MMP16: variants seen among roughly 807,000 people sequenced by gnomAD.
The protein encoded by MMP16 is matrix metallopeptidase 16.
Under a neutral mutation model 67.8 loss-of-function variants are expected in MMP16, and 12 were observed. That is an observed-to-expected ratio of 0.18 (90% CI 0.11 to 0.29). The LOEUF (loss-of-function observed/expected upper bound fraction) is 0.29, where lower values mean the gene tolerates loss of function less well. Ranked by LOEUF, MMP16 falls within the 10% of genes least tolerant of loss-of-function variation. The probability of loss-of-function intolerance (pLI) is 1.00; values close to 1 mark genes in which losing one functional copy is unlikely to be tolerated. For synonymous variants in MMP16, 249 were observed against 255.9 expected (o/e 0.97, Z 0.26); for missense variants, 475 against 765.7 (o/e 0.62, Z 4.48).
intron 4 of MMP16, among the ~76,000 whole-genome samples, chr8:88,137,565 T>A (rs763251932): frequency 6.6e-6 from 1 of 152,036 alleles, no homozygotes; most frequent in Non-Finnish European, 1.5e-5. Flanking sequence ...GTCTGAGTAA[T>A]AATCTTTGTA....
intron 1 of MMP16, among the ~76,000 whole-genome samples, chr8:88,312,844 T>A (rs1463548392): frequency 6.6e-6 from 1 of 152,128 alleles, no homozygotes; most frequent in Non-Finnish European, 1.5e-5. Context: ...GGTGCATGCC[T>A]GTAATCCCAG....
At chr8:88,268,310 C>T (rs1245919396) in intron 1 of MMP16, among the ~76,000 whole-genome samples, 1 of 152,140 alleles carries the variant, frequency 6.6e-6, no homozygotes, top group East Asian at 1.9e-4. Flanking sequence ...CCACTGCACC[C>T]TAACCTGGGC....
At chr8:88,138,095 G>GTT (rs80027736) in intron 4 of MMP16, among the ~76,000 whole-genome samples, 44 of 151,624 alleles carry the variant, frequency 2.9e-4, no homozygotes, top group Non-Finnish European at 5.0e-4. Context: ...GTGTGTATGT[G>GTT]TTTTTTTTCC....
chr8:88,308,425 T>C (rs1811243851), intron 1 of MMP16, among the ~76,000 whole-genome samples: 1 of 152,070 alleles, frequency 6.6e-6, no homozygotes, highest in Non-Finnish European at 1.5e-5. Flanking sequence ...TGCAGTAGAA[T>C]TGCCCCAGAC....
intron 4 of MMP16, among the ~76,000 whole-genome samples, chr8:88,145,693 CACTA>C (rs1293710736): frequency 3.3e-5 from 5 of 151,952 alleles, no homozygotes; most frequent in African/African-American, 7.2e-5. Flanking sequence ...ATTAGCACGT[CACTA>C]ACTAACTTCA....
rs1288045245 is a variant in MMP16 at position 88,116,603 on chromosome 8, T to C, written c.987A>G (p.Pro329=). 1 of 1,613,714 alleles carries C rather than the reference T, an allele frequency of 6.2e-7. No individual in the cohort carries two copies. The highest frequency in any genetic ancestry group is 8.5e-7 in the Non-Finnish European group (1 of 1,179,888). Residue 329 remains proline, a synonymous_variant, in exon 6 of 10, where the codon CCA becomes CCG. Coordinates refer to ENST00000286614, the MANE Select transcript of MMP16 (RefSeq NM_005941.5). ...CTCCGGGATAGGAGGGTCTGCCGGT[T>C]GGAGGCCGAGGAGGTTTTGGCCTGT... ...KNDRPKPPRP[P]TGRPSYPGAK...
In MMP16 at chr8:88,087,494, G is replaced by C. The variant is rs1013485624; in HGVS notation, c.1084-12751C>G. On this transcript the variant is annotated intron_variant, in intron 6 of 9. Transcript: ENST00000286614. ...GGAGATGTTTCATGATATGACATAGGAAGAGGGAAAGGGTTGAGCTAGAGC... is the reference window on the plus strand; with the variant it reads ...GGAGATGTTTCATGATATGACATAGCAAGAGGGAAAGGGTTGAGCTAGAGC... Among the ~76,000 whole-genome samples the C allele has an allele frequency of 2.7e-4, 41 of 152,010 alleles. 2 individuals are homozygous for C. Among genetic ancestry groups the C allele is most frequent in the African/African-American group, 9.7e-4 (40 of 41,368 alleles).
At chr8:88,325,684 T>C (rs1174249403) in intron 1 of MMP16, among the ~76,000 whole-genome samples, 2 of 152,222 alleles carry the variant, frequency 1.3e-5, no homozygotes, top group Non-Finnish European at 2.9e-5. Context: ...TCTCTTTTTA[T>C]CTAGAAAAAT....
At chr8:88,322,100 A>T (rs918764337) in intron 1 of MMP16, among the ~76,000 whole-genome samples, 2 of 152,174 alleles carry the variant, frequency 1.3e-5, no homozygotes, top group African/African-American at 4.8e-5. Context: ...GAGCTGGCTT[A>T]AGTTTCTTAT....
intron 1 of MMP16, among the ~76,000 whole-genome samples, chr8:88,264,031 C>CATATATATATATATATATAT (rs1491101969): frequency 5.0e-5 from 2 of 40,304 alleles, no homozygotes; most frequent in African/African-American, 1.4e-4. Context: ...ACAAAAATGG[C>CATATATATATATATATATAT]ACATATATAT....
intron 1 of MMP16, among the ~76,000 whole-genome samples, chr8:88,212,253 T>C (rs966660722): frequency 3.3e-5 from 5 of 152,176 alleles, no homozygotes; most frequent in African/African-American, 7.2e-5. Flanking sequence ...AGGGCCTGAA[T>C]AAGATGCCTA....
At chr8:88,251,300 G>A (rs554749965) in intron 1 of MMP16, among the ~76,000 whole-genome samples, 8 of 151,774 alleles carry the variant, frequency 5.3e-5, no homozygotes, top group Admixed American at 5.2e-4. Flanking sequence ...CAGAGATATA[G>A]ATCAATGGAA....
intron 4 of MMP16, among the ~76,000 whole-genome samples, chr8:88,154,817 T>C (rs1254128923): frequency 2.7e-5 from 4 of 147,872 alleles, no homozygotes; most frequent in Non-Finnish European, 5.9e-5. Flanking sequence ...TGTATACATA[T>C]GTAACTAACC....
chr8:88,117,614 G>C (rs1353212212), intron 5 of MMP16, among the ~76,000 whole-genome samples: 1 of 151,932 alleles, frequency 6.6e-6, no homozygotes, highest in African/African-American at 2.4e-5. Flanking sequence ...TTCAACATAA[G>C]AGATATTTAG....
At chr8:88,177,221 T>A (rs1007717157) in intron 3 of MMP16, among the ~76,000 whole-genome samples, 2 of 152,240 alleles carry the variant, frequency 1.3e-5, no homozygotes, top group Admixed American at 1.3e-4. Flanking sequence ...TTTCGTATGT[T>A]GGTTTTTTAT....
chr8:88,051,693 TTGAC>T lies in MMP16; in HGVS notation c.1373+4431_1373+4434del, dbSNP rs550229923. On this transcript the variant is annotated intron_variant, in intron 8 of 9. Transcript: ENST00000286614. ...GGAAGAAATAAACGTATTTTTCTAT[TTGAC>T]TGTTAGTGACGATAATAATTAAGAA... Among the ~76,000 whole-genome samples, 95 of 152,334 alleles carry T rather than the reference TTGAC, an allele frequency of 6.2e-4. 1 individual carries two copies. Among genetic ancestry groups the T allele is most frequent in the Non-Finnish European group, 1.1e-3 (74 of 68,018 alleles).
intron 7 of MMP16, among the ~76,000 whole-genome samples, chr8:88,061,167 CACA>C (rs1808395662): frequency 2.1e-5 from 3 of 141,964 alleles, no homozygotes; most frequent in African/African-American, 7.6e-5. Flanking sequence ...CACACACACA[CACA>C]CCCCTCATCC....
At chr8:88,130,699 G>A (rs770965228) in intron 4 of MMP16, among the ~76,000 whole-genome samples, 1 of 151,260 alleles carries the variant, frequency 6.6e-6, no homozygotes, top group Non-Finnish European at 1.5e-5. Context: ...TCTGAGGAAT[G>A]TTTTCTTTCT....
In MMP16 at chr8:88,037,913, T is replaced by A. The variant is rs897204351; in HGVS notation, c.*3548A>T. The A allele has an allele frequency of 1.6e-4, 25 of 152,130 alleles. No homozygotes were observed. The highest frequency in any genetic ancestry group is 6.0e-4 in the African/African-American group (25 of 41,566). 9.4% of individuals were successfully genotyped at this position (152,130 alleles called of 1,614,324 possible). ...GGCATGAATGTGTTTTCATTTCAAT[T>A]TGGGAAATCCTATGTCTGAGCTTTT... On this transcript the variant is annotated 3_prime_UTR_variant, in exon 10 of 10. Coordinates refer to ENST00000286614, the MANE Select transcript of MMP16 (RefSeq NM_005941.5).
Sources: allele counts gnomAD v4.1 joint callset (sites outside exome capture counted in the v4.1 genomes callset), GRCh38; gene constraint gnomAD v4.1.1; transcripts MANE v1.5; gene names NCBI Gene and HGNC (gene_info 2026-07-23, HGNC 2026-07-21).